Variants in MYO1D observed in about 807,000 individuals in gnomAD.
MYO1D encodes the protein myosin ID.
In MYO1D, 83 loss-of-function variants were observed where a neutral mutation model predicts 122.0. That is an observed-to-expected ratio of 0.68 (90% CI 0.57 to 0.82). The LOEUF is 0.82. MYO1D is among the 40% of genes least tolerant of loss of function. The pLI, the probability that MYO1D is intolerant of heterozygous loss-of-function variation, is 0.00. For synonymous variants in MYO1D, 464 were observed against 446.9 expected (o/e 1.04, Z -0.48); for missense variants, 1,157 against 1,269.5 (o/e 0.91, Z 1.35).
chr17:32,871,382 T>G (rs1165805491), intron 1 of MYO1D, among the ~76,000 whole-genome samples: 1 of 152,126 alleles, frequency 6.6e-6, no homozygotes. Flanking sequence ...ATGTCAATAG[T>G]GACAAGGCTG....
intron 21 of MYO1D, among the ~76,000 whole-genome samples, chr17:32,600,344 C>A (rs372488626): frequency 1.2e-4 from 18 of 152,336 alleles, no homozygotes; most frequent in African/African-American, 3.8e-4. Context: ...TAGCTCCTAA[C>A]AAAAGAGTCA....
chr17:32,760,654 C>T (rs780341924), intron 8 of MYO1D, 27 bp from the exon 9 acceptor site: 1 of 1,583,924 alleles, frequency 6.3e-7, no homozygotes, highest in African/African-American at 1.4e-5. Context: ...ATCATAAATG[C>T]TTGCCAATTT....
chr17:32,814,637 C>T (rs998469397), intron 1 of MYO1D, among the ~76,000 whole-genome samples: 10 of 152,096 alleles, frequency 6.6e-5, no homozygotes, highest in South Asian at 2.1e-4. Context: ...CTTCTAAGCA[C>T]GATGCATTAC....
At chr17:32,720,875 G>A in intron 15 of MYO1D, 148 bp downstream of exon 15, 1 of 863,394 alleles carries the variant, frequency 1.2e-6, no homozygotes, top group Non-Finnish European at 1.7e-6. Flanking sequence ...TTGAAACTGG[G>A]AAAGTCTTTC....
chr17:32,664,630 A>T (rs79682352), intron 16 of MYO1D, among the ~76,000 whole-genome samples: 2,206 of 152,280 alleles, frequency 0.014, 58 homozygotes, highest in African/African-American at 0.051. Context: ...AGGTGAAGTC[A>T]GCAGAGGATA....
intron 10 of MYO1D, 57 bp downstream of exon 10, chr17:32,760,233 G>T (rs2089985729): frequency 7.4e-7 from 1 of 1,355,140 alleles, no homozygotes; most frequent in Admixed American, 1.8e-5. Context: ...AATAAAATTT[G>T]ACATTATCAA....
intron 1 of MYO1D, among the ~76,000 whole-genome samples, chr17:32,789,735 G>A (rs1377241540): frequency 6.6e-6 from 1 of 152,190 alleles, no homozygotes; most frequent in Non-Finnish European, 1.5e-5. Flanking sequence ...TGCAATGACA[G>A]AGGCAGAGAC....
intron 21 of MYO1D, among the ~76,000 whole-genome samples, chr17:32,546,710 G>A (rs886418715): frequency 6.6e-6 from 1 of 152,166 alleles, no homozygotes; most frequent in African/African-American, 2.4e-5. Flanking sequence ...CTGCCTTTTA[G>A]TTGAGACTCC....
intron 21 of MYO1D, among the ~76,000 whole-genome samples, chr17:32,545,178 A>C (rs1816952298): frequency 6.6e-6 from 1 of 152,222 alleles, no homozygotes; most frequent in African/African-American, 2.4e-5. Flanking sequence ...ACACAAACCA[A>C]GGAGTCAGAC....
chr17:32,645,690 C>A (rs1481019604), intron 19 of MYO1D, among the ~76,000 whole-genome samples: 1 of 152,068 alleles, frequency 6.6e-6, no homozygotes, highest in Non-Finnish European at 1.5e-5. Context: ...TCCAGTTGAT[C>A]GAATCAGTTA....
intron 19 of MYO1D, among the ~76,000 whole-genome samples, chr17:32,649,011 T>A (rs2088343133): frequency 6.6e-6 from 1 of 152,204 alleles, no homozygotes; most frequent in East Asian, 1.9e-4. Flanking sequence ...CACAGTCTAC[T>A]GACATTATAT....
intron 16 of MYO1D, among the ~76,000 whole-genome samples, chr17:32,710,872 A>C (rs889472133): frequency 6.6e-6 from 1 of 152,224 alleles, no homozygotes; most frequent in Non-Finnish European, 1.5e-5. Context: ...CAACAATGAG[A>C]TATCATTCTA....
intron 1 of MYO1D, among the ~76,000 whole-genome samples, chr17:32,830,038 T>C (rs920017993): frequency 2.0e-5 from 3 of 152,356 alleles, no homozygotes; most frequent in Admixed American, 2.0e-4. Context: ...GACAGTCTTC[T>C]TATGAATAAA....
chr17:32,859,501 G>T (rs1292155153), intron 1 of MYO1D, among the ~76,000 whole-genome samples: 1 of 152,162 alleles, frequency 6.6e-6, no homozygotes, highest in African/African-American at 2.4e-5. Flanking sequence ...CTACCTTGCT[G>T]TGCCCCAACC....
chr17:32,509,886 C>A (rs543081168), intron 21 of MYO1D: 8 of 152,294 alleles, frequency 5.3e-5, no homozygotes, highest in African/African-American at 1.7e-4. Context: ...ATATATGGGC[C>A]TGGAGCTCCT....
At chr17:32,583,846 C>G (rs2087363534) in intron 21 of MYO1D, among the ~76,000 whole-genome samples, 1 of 152,064 alleles carries the variant, frequency 6.6e-6, no homozygotes, top group Non-Finnish European at 1.5e-5. Flanking sequence ...CTCAAGTGAT[C>G]TGCCCGCCCC....
chr17:32,701,706 G>A (rs1011458134), intron 16 of MYO1D, among the ~76,000 whole-genome samples: 1 of 152,098 alleles, frequency 6.6e-6, no homozygotes, highest in Non-Finnish European at 1.5e-5. Context: ...GGGACTACAG[G>A]TGTGCTCCAC....
At chr17:32,642,498 CT>C (rs1412764134) in intron 19 of MYO1D, among the ~76,000 whole-genome samples, 1 of 150,684 alleles carries the variant, frequency 6.6e-6, no homozygotes, top group Non-Finnish European at 1.5e-5. Flanking sequence ...GGGGATGGCA[CT>C]GAATCTATAA....
intron 1 of MYO1D, among the ~76,000 whole-genome samples, chr17:32,792,765 C>T (rs915632987): frequency 3.9e-5 from 6 of 152,174 alleles, no homozygotes; most frequent in African/African-American, 4.8e-5. Flanking sequence ...GCCTCAGGCT[C>T]CCCAATAGCT....
Sources: gnomAD v4.1 joint callset for allele counts (sites outside exome capture counted in the v4.1 genomes callset) on GRCh38, gnomAD v4.1.1 for gene constraint, MANE v1.5 for transcripts, NCBI Gene and HGNC (gene_info 2026-07-23, HGNC 2026-07-21) for gene names.